Variants in FOCAD observed in about 807,000 individuals in gnomAD.
FOCAD encodes the protein focadhesin, also known as KIAA1797.
A neutral mutation model predicts 225.6 loss-of-function variants in FOCAD; 198 were observed. The observed-to-expected ratio is 0.88, with a 90% CI of 0.78 to 0.99. The LOEUF (loss-of-function observed/expected upper bound fraction) is 0.99, where lower values mean the gene tolerates loss of function less well. FOCAD is among the 50% of genes least tolerant of loss of function. The probability of loss-of-function intolerance (pLI) is 0.00; values close to 1 mark genes in which losing one functional copy is unlikely to be tolerated. For missense variants in FOCAD, 2,713 were observed against 2,123.6 expected, an observed-to-expected ratio of 1.28 and a Z score of -5.46; for synonymous variants, 897 against 755.0, an observed-to-expected ratio of 1.19 and a Z score of -3.08.
rs74732688 is a variant in FOCAD at position 20,950,094 on chromosome 9, A to G, written c.3948+419A>G. Among the ~76,000 whole-genome samples, 90 of 152,238 alleles carry G rather than the reference A, an allele frequency of 5.9e-4. 3 individuals are homozygous for G. In the East Asian group the frequency reaches 0.015, roughly 26 times the overall value. On this transcript the variant is annotated intron_variant, in intron 33 of 43. Coordinates refer to ENST00000338382, the MANE Select transcript of FOCAD (RefSeq NM_001375567.1). ...TAATTGTTATCCTTGACTAAAGAAT[A>G]GACATATTAATCTCCTAAGAAATGT...
chr9:20,934,306 T>C (rs531831262), intron 28 of FOCAD, among the ~76,000 whole-genome samples: 1 of 152,318 alleles, frequency 6.6e-6, no homozygotes, highest in African/African-American at 2.4e-5. Context: ...GAAGGGTTTT[T>C]CCAGTGTTAT....
At chr9:20,756,482 G>A (rs920418744) in intron 5 of FOCAD, among the ~76,000 whole-genome samples, 2 of 152,170 alleles carry the variant, frequency 1.3e-5, no homozygotes, top group Non-Finnish European at 2.9e-5. Context: ...TCTGAATCCT[G>A]GTAACATATT....
chr9:20,709,544 C>T (rs1824664087), intron 1 of FOCAD, among the ~76,000 whole-genome samples: 1 of 147,728 alleles, frequency 6.8e-6, no homozygotes, highest in South Asian at 2.2e-4. Context: ...ACACGTACTA[C>T]ACTTGCCAAT....
chr9:20,684,561 G>A (rs1822542399), intron 1 of FOCAD: 1 of 152,936 alleles, frequency 6.5e-6, no homozygotes, highest in Non-Finnish European at 1.5e-5. Context: ...ACGGAGCTCC[G>A]AGATACCTGG....
intron 9 of FOCAD, among the ~76,000 whole-genome samples, chr9:20,780,124 T>G (rs1443596984): frequency 2.0e-5 from 3 of 152,208 alleles, no homozygotes; most frequent in Non-Finnish European, 2.9e-5. Flanking sequence ...ATAAAGTGTT[T>G]TCTAGTAAAT....
rs78335251 is a variant in FOCAD, at chr9:20,749,218, A to T, written c.393-8872A>T. Among the ~76,000 whole-genome samples the T allele has an allele frequency of 1.2e-4, 19 of 152,242 alleles. No individual in the cohort carries two copies. In the East Asian group the frequency reaches 3.5e-3, roughly 28 times the overall value. On this transcript the variant is annotated intron_variant, in intron 5 of 43. Transcript: ENST00000338382. ...GGGAAAGGTTCATTGTTGGGGGAGAATCGTTGTAATAGGAAGTATATTTTC... is the reference window on the plus strand; with the variant it reads ...GGGAAAGGTTCATTGTTGGGGGAGATTCGTTGTAATAGGAAGTATATTTTC...
At chr9:20,696,548 A>G (rs551048064) in intron 1 of FOCAD, among the ~76,000 whole-genome samples, 1 of 152,350 alleles carries the variant, frequency 6.6e-6, no homozygotes, top group Non-Finnish European at 1.5e-5. Context: ...TCATGCCTGT[A>G]ATCCCAGCAC....
At position 20,982,329 on chromosome 9, in the gene FOCAD, T is replaced by G. The variant is rs10964782; in HGVS notation, c.4639-28T>G. The G allele has an allele frequency of 0.38, 562,954 of 1,489,394 alleles. 108,778 individuals carry two copies. Among genetic ancestry groups the G allele is most frequent in the East Asian group, 0.41 (18,179 of 44,122 alleles). The allele number at this position is 1,489,394 out of a possible 1,614,324, so 92.3% of individuals were successfully genotyped here. A position where few individuals can be genotyped will look rare whatever the true frequency, so the allele number is the denominator to read the frequency against. On this transcript the variant is annotated intron_variant, in intron 38 of 43. Coordinates refer to ENST00000338382, the MANE Select transcript of FOCAD (RefSeq NM_001375567.1). ...TGACCTGTTATTTTACACTGTTTGT[T>G]GACATGTTTGGGATTTTTCTTTATC...
In FOCAD at chr9:20,929,378, C is replaced by G; in HGVS notation, c.3099C>G (p.Asn1033Lys). The change falls in exon 27 of 44, where the codon AAC (asparagine) becomes AAG (lysine). Residue 1033 changes from asparagine (N) to lysine (K), a missense_variant. Physicochemically the swap from Asn to Lys is moderately conservative, Grantham distance 94. Transcript: ENST00000338382. ...WFYYKSYSGENTASAIARSAA... is the reference protein window; with the variant it reads ...WFYYKSYSGEKTASAIARSAA... ...CCTAGAAGTCCTATTCTGGTGAAAA[C>G]ACAGCTAGTGCCATTGCCCGTTCTG... 6.2e-7 allele frequency: 1 copy of G among 1,614,082 alleles called. No individual in the cohort carries two copies. Among genetic ancestry groups the G allele is most frequent in the South Asian group, 1.1e-5 (1 of 91,076 alleles).
chr9:20,842,624 T>C (rs528760106), intron 15 of FOCAD, among the ~76,000 whole-genome samples: 1 of 152,088 alleles, frequency 6.6e-6, no homozygotes, highest in East Asian at 1.9e-4. Context: ...ATAGGTTAAG[T>C]ATGTTTCTTG....
intron 1 of FOCAD, among the ~76,000 whole-genome samples, chr9:20,710,702 T>A (rs1341273621): frequency 6.6e-6 from 1 of 152,226 alleles, no homozygotes; most frequent in East Asian, 1.9e-4. Flanking sequence ...GTAAGAAATT[T>A]CCTTCAGAGT....
intron 4 of FOCAD, among the ~76,000 whole-genome samples, chr9:20,737,670 T>C (rs1040398169): frequency 2.6e-5 from 4 of 152,238 alleles, no homozygotes; most frequent in African/African-American, 9.6e-5. Flanking sequence ...TGATAGGCTT[T>C]AGTCAGATAC....
At chr9:20,957,262 G>A (rs1838246500) in intron 35 of FOCAD, among the ~76,000 whole-genome samples, 1 of 113,556 alleles carries the variant, frequency 8.8e-6, no homozygotes, top group Non-Finnish European at 2.0e-5. Flanking sequence ...TGGAAACAAT[G>A]TTGCCTAGTC....
intron 2 of FOCAD, among the ~76,000 whole-genome samples, chr9:20,669,607 C>T (rs1821996351): frequency 1.3e-5 from 2 of 151,006 alleles, no homozygotes; most frequent in African/African-American, 2.4e-5. Flanking sequence ...AAACCTGTCT[C>T]TATTGAAAAT....
intron 18 of FOCAD, chr9:20,874,466 G>C: frequency 2.1e-6 from 1 of 483,250 alleles, no homozygotes; most frequent in Non-Finnish European, 3.6e-6. Context: ...ATACAGATCT[G>C]AGATTGTATC....
At chr9:20,691,059 T>C (rs555458141) in intron 1 of FOCAD, among the ~76,000 whole-genome samples, 1 of 152,102 alleles carries the variant, frequency 6.6e-6, no homozygotes, top group African/African-American at 2.4e-5. Flanking sequence ...ACTTCTGCCT[T>C]AGTCTCCTGA....
At chr9:20,680,442 C>T (rs1822367819), upstream of FOCAD, among the ~76,000 whole-genome samples, 1 of 152,138 alleles carries the variant, frequency 6.6e-6, no homozygotes, top group Admixed American at 6.5e-5. Context: ...CCTGTAGTCC[C>T]AGCTACTTGG....
chr9:20,775,642 A>G (rs1012919309), intron 8 of FOCAD, among the ~76,000 whole-genome samples: 6 of 152,072 alleles, frequency 3.9e-5, no homozygotes, highest in African/African-American at 1.4e-4. Flanking sequence ...TTCCATGACT[A>G]TACTGTAAAA....
intron 2 of FOCAD, among the ~76,000 whole-genome samples, chr9:20,664,157 A>G (rs1821826905): frequency 6.6e-6 from 1 of 151,790 alleles, no homozygotes; most frequent in Non-Finnish European, 1.5e-5. Context: ...AAAGTTCTAT[A>G]TTTAAATAAC....
Sources: allele counts gnomAD v4.1 joint callset (sites outside exome capture counted in the v4.1 genomes callset), GRCh38; gene constraint gnomAD v4.1.1; transcripts MANE v1.5; gene names NCBI Gene and HGNC (gene_info 2026-07-23, HGNC 2026-07-21).